The following PVALB variants were observed in gnomAD, a reference collection of about 807,000 sequenced individuals.
The protein encoded by PVALB is parvalbumin alpha.
PVALB carries 11 observed loss-of-function variants against 10.9 expected under a neutral mutation model. The ratio of observed to expected loss-of-function variants is 1.01; its 90% CI spans 0.63 to 1.67. PVALB has a LOEUF of 1.67. Among genes scored for constraint, PVALB ranks in the 40% most tolerant of loss-of-function variants. The pLI is 0.00. For missense variants in PVALB, 131 were observed against 136.2 expected (o/e 0.96, Z 0.19); for synonymous variants, 57 against 50.7 (o/e 1.12, Z -0.53).
chr22:36,816,961 C>A lies in PVALB; in HGVS notation c.45G>T (p.Ala15=), dbSNP rs760353572. 2 of 1,608,988 alleles carry A rather than the reference C, an allele frequency of 1.2e-6. No homozygotes were observed. The highest frequency in any genetic ancestry group is 2.2e-5 in the South Asian group (2 of 90,334). The change falls in exon 1 of 4, where the codon GCG becomes GCT. Residue 15 remains alanine (A), a synonymous_variant. Coordinates refer to ENST00000417718, the MANE Select transcript of PVALB (RefSeq NM_001315532.2). ...CTTGCTCACCGCTAAAGGCTCCCAC[C>A]GCCTTCTTGATGTCCTCAGCGTTCA... ...DLLNAEDIKK[A]VGAFSATDSF... is the part of the protein sequence containing the mutation.
At chr22:36,816,892 G>A (rs1939147800) in intron 1 of PVALB, 53 bp downstream of exon 1, 3 of 1,495,976 alleles carry the variant, frequency 2.0e-6, no homozygotes, top group Non-Finnish European at 2.7e-6. Context: ...GAGTGCAGGG[G>A]CGCGGGCGGT....
intron 3 of PVALB, among the ~76,000 whole-genome samples, chr22:36,813,182 G>A (rs760775771): frequency 6.6e-6 from 1 of 152,144 alleles, no homozygotes; most frequent in Non-Finnish European, 1.5e-5. Context: ...ACAGGAGATA[G>A]GAATTTCCAT....
At position 36,809,252 on chromosome 22, in the gene PVALB, GTTCA is replaced by G. The variant is rs997056906; in HGVS notation, c.304+4390_304+4393del. Among the ~76,000 whole-genome samples, 21 of 152,222 alleles carry G rather than the reference GTTCA, an allele frequency of 1.4e-4. No individual in the cohort carries two copies. In the East Asian group the frequency reaches 1.7e-3, roughly 13 times the overall value. On this transcript the variant is annotated intron_variant, in intron 3 of 3. Coordinates refer to ENST00000417718, the MANE Select transcript of PVALB (RefSeq NM_001315532.2). The stretch of plus-strand genomic sequence containing the variant: ...CAGTGCTGCCCAGAGCTGGGTACTT[GTTCA>G]TTCATTCATTCATTCATTCAACCAA...
intron 3 of PVALB, among the ~76,000 whole-genome samples, chr22:36,801,429 C>T (rs572019655): frequency 2.0e-5 from 3 of 152,210 alleles, no homozygotes; most frequent in Non-Finnish European, 4.4e-5. Flanking sequence ...CGTGCCACTA[C>T]GTGTCTCTGA....
intron 1 of PVALB, among the ~76,000 whole-genome samples, chr22:36,816,110 C>T (rs11913267): frequency 0.16 from 24,572 of 151,750 alleles, 3,368 homozygotes; most frequent in African/African-American, 0.37. Flanking sequence ...CTCTTCCCCT[C>T]AGCACAGGGC....
chr22:36,815,507 T>G, intron 1 of PVALB: 1 of 469,154 alleles, frequency 2.1e-6, no homozygotes, highest in Non-Finnish European at 3.9e-6. Context: ...CTGCACCCAT[T>G]GCTGATGATG....
intron 1 of PVALB, among the ~76,000 whole-genome samples, chr22:36,816,139 C>T (rs764818838): frequency 2.2e-4 from 33 of 152,162 alleles, no homozygotes; most frequent in Non-Finnish European, 3.7e-4. Flanking sequence ...AGGAAAGTTG[C>T]CCTGTCCACC....
chr22:36,806,493 C>T (rs941817552), intron 3 of PVALB, among the ~76,000 whole-genome samples: 1 of 152,068 alleles, frequency 6.6e-6, no homozygotes. Flanking sequence ...TGGCCCAAAG[C>T]GAAACTGAGC....
chr22:36,815,375 G>A (rs1256218135), intron 1 of PVALB, 140 bp from the exon 2 acceptor site: 2 of 1,189,208 alleles, frequency 1.7e-6, no homozygotes, highest in Non-Finnish European at 2.4e-6. Flanking sequence ...CTCCATTGGA[G>A]GGCTGAGGGA....
At chr22:36,806,361 G>A (rs1223746424) in intron 3 of PVALB, among the ~76,000 whole-genome samples, 3 of 152,144 alleles carry the variant, frequency 2.0e-5, no homozygotes, top group Non-Finnish European at 4.4e-5. Flanking sequence ...AGGACTAGAG[G>A]ATTCTGTTCT....
At chr22:36,803,473 C>T (rs1011661928) in intron 3 of PVALB, among the ~76,000 whole-genome samples, 4 of 152,008 alleles carry the variant, frequency 2.6e-5, no homozygotes, top group African/African-American at 7.3e-5. Flanking sequence ...TCCTGGCACA[C>T]AGTAGGTGCT....
intron 3 of PVALB, among the ~76,000 whole-genome samples, chr22:36,806,992 C>T (rs1202667997): frequency 2.6e-5 from 4 of 152,198 alleles, no homozygotes; most frequent in Non-Finnish European, 5.9e-5. Context: ...TCTTTTTCCA[C>T]CAAGCAGCTG....
chr22:36,805,005 T>C (rs1278509820), intron 3 of PVALB, among the ~76,000 whole-genome samples: 1 of 152,126 alleles, frequency 6.6e-6, no homozygotes, highest in Non-Finnish European at 1.5e-5. Context: ...GTCAGCTGAA[T>C]TGGTGGTAGG....
chr22:36,814,593 C>G (rs1250401262), intron 2 of PVALB, among the ~76,000 whole-genome samples: 1 of 152,090 alleles, frequency 6.6e-6, no homozygotes, highest in African/African-American at 2.4e-5. Flanking sequence ...CTAGCCACAG[C>G]CTTCTCCTTC....
At chr22:36,805,427 T>G (rs1482925182) in intron 3 of PVALB, among the ~76,000 whole-genome samples, 2 of 152,224 alleles carry the variant, frequency 1.3e-5, no homozygotes, top group Admixed American at 6.5e-5. Flanking sequence ...TATAAACGCC[T>G]AGTTGCTGCC....
chr22:36,811,669 G>A (rs1939048495), intron 3 of PVALB: 2 of 394,428 alleles, frequency 5.1e-6, no homozygotes, highest in Admixed American at 2.9e-5. Flanking sequence ...CCCAGCCCAG[G>A]GCTTCTGAGG....
rs565901003 is a variant in PVALB at position 36,801,650 on chromosome 22, A to T, written c.305-732T>A. On this transcript the variant is annotated intron_variant, in intron 3 of 3. Transcript: ENST00000417718. ...CCCTGTATCTACTGAAAATGCAAAA[A>T]TTAGCTGGGTGTGGTGGCGGACGCC... Among the ~76,000 whole-genome samples the T allele has an allele frequency of 4.0e-4, 61 of 152,286 alleles. No individual in the cohort carries two copies. In the East Asian group the frequency reaches 0.012, roughly 29 times the overall value.
At chr22:36,817,084 A>G, upstream of PVALB, 1 of 1,379,308 alleles carries the variant, frequency 7.3e-7, no homozygotes, top group East Asian at 2.7e-5. Flanking sequence ...TCATATGACC[A>G]GCGCTGCAGT....
chr22:36,812,656 G>A (rs958217529), intron 3 of PVALB, among the ~76,000 whole-genome samples: 10 of 101,594 alleles, frequency 9.8e-5, no homozygotes, highest in African/African-American at 5.6e-4. Context: ...GTAGGGCTGG[G>A]ATTTGAACCC....
Sources: gnomAD v4.1 joint callset for allele counts (sites outside exome capture counted in the v4.1 genomes callset) on GRCh38, gnomAD v4.1.1 for gene constraint, MANE v1.5 for transcripts, NCBI Gene and HGNC (gene_info 2026-07-23, HGNC 2026-07-21) for gene names.